The following NALCN variants were observed in gnomAD, a reference collection of about 807,000 sequenced individuals.
The protein encoded by NALCN is sodium leak channel, non-selective, also known as sodium leak channel NALCN.
In NALCN, 111 loss-of-function variants were observed where a neutral mutation model predicts 225.3. The ratio of observed to expected loss-of-function variants is 0.49; its 90% CI spans 0.42 to 0.58. The LOEUF is 0.58. Among genes scored for constraint, NALCN ranks in the 20% least tolerant of loss-of-function variants. The pLI, the probability that NALCN is intolerant of heterozygous loss-of-function variation, is 0.00. For missense variants in NALCN, 1,378 were observed against 2,202.4 expected (o/e 0.63, Z 7.49); for synonymous variants, 764 against 769.0 (o/e 0.99, Z 0.11).
chr13:101,269,095 T>G (rs569461552), intron 10 of NALCN, among the ~76,000 whole-genome samples: 1 of 152,122 alleles, frequency 6.6e-6, no homozygotes. Context: ...TTTTCAACAA[T>G]GAAGTGTTCA....
intron 28 of NALCN, among the ~76,000 whole-genome samples, chr13:101,093,752 A>C (rs1373219408): frequency 6.6e-6 from 1 of 152,152 alleles, no homozygotes; most frequent in Non-Finnish European, 1.5e-5. Flanking sequence ...ATTCTTGGGG[A>C]GGTCCCAGAG....
intron 4 of NALCN, 63 bp downstream of exon 4, chr13:101,378,507 T>C: frequency 7.8e-7 from 1 of 1,285,742 alleles, no homozygotes; most frequent in Non-Finnish European, 1.1e-6. Context: ...ATTTAGACTT[T>C]TAATGCAAAA....
intron 15 of NALCN, among the ~76,000 whole-genome samples, chr13:101,174,249 G>A (rs1378285357): frequency 3.9e-5 from 6 of 152,176 alleles, no homozygotes; most frequent in African/African-American, 4.8e-5. Context: ...GAATTGCTGC[G>A]TTATGATTGG....
chr13:101,283,079 CA>C (rs1191015195), intron 10 of NALCN, among the ~76,000 whole-genome samples: 1 of 152,098 alleles, frequency 6.6e-6, no homozygotes. Context: ...CACTGAAAAC[CA>C]AAAAGGCTAA....
chr13:101,080,801 A>C (rs1019528100), intron 34 of NALCN, among the ~76,000 whole-genome samples: 4 of 150,094 alleles, frequency 2.7e-5, no homozygotes, highest in Non-Finnish European at 5.9e-5. Context: ...TTTAATAGTT[A>C]TATTTTCTAA....
chr13:101,216,754 A>C (rs1314089080), intron 13 of NALCN, among the ~76,000 whole-genome samples: 1 of 152,124 alleles, frequency 6.6e-6, no homozygotes, highest in African/African-American at 2.4e-5. Flanking sequence ...TAACTGCACG[A>C]CTAGTCATTT....
chr13:101,400,662 G>A (rs535595800), intron 1 of NALCN, among the ~76,000 whole-genome samples: 2 of 152,030 alleles, frequency 1.3e-5, no homozygotes, highest in South Asian at 2.1e-4. Context: ...AAGCAGCTCC[G>A]AATCTGATTG....
At chr13:101,257,466 T>G (rs539810257) in intron 11 of NALCN, among the ~76,000 whole-genome samples, 4 of 152,324 alleles carry the variant, frequency 2.6e-5, no homozygotes, top group Non-Finnish European at 5.9e-5. Context: ...TAGACTAAAT[T>G]TTTATTAACC....
intron 10 of NALCN, among the ~76,000 whole-genome samples, chr13:101,263,021 G>T (rs955110469): frequency 1.3e-5 from 2 of 152,172 alleles, no homozygotes; most frequent in African/African-American, 4.8e-5. Context: ...TCGGGAATGA[G>T]AAATTAATTA....
At chr13:101,403,890 G>A (rs1423583702) in intron 1 of NALCN, among the ~76,000 whole-genome samples, 3 of 152,132 alleles carry the variant, frequency 2.0e-5, no homozygotes, top group Non-Finnish European at 2.9e-5. Flanking sequence ...TAACATCTCC[G>A]GGACTCTTCA....
At chr13:101,208,624 G>A (rs2140067199) in intron 13 of NALCN, among the ~76,000 whole-genome samples, 1 of 152,342 alleles carries the variant, frequency 6.6e-6, no homozygotes, top group East Asian at 1.9e-4. Flanking sequence ...CCCCAGTGTT[G>A]GAGGTGGGGC....
Position 101,378,570 on chromosome 13 carries a change from C to A in NALCN, c.375G>T (p.Gln125His). ...TGTAATTTAAAAAATATTTAATTACCTGTAGCACCAAAGAAACCCAAAGGC... is the reference window on the plus strand; with the variant it reads ...TGTAATTTAAAAAATATTTAATTACATGTAGCACCAAAGAAACCCAAAGGC... Reference protein sequence around the residue: ...VFCLWVSLVLQVFEIADIVDQ... With the variant: ...VFCLWVSLVLHVFEIADIVDQ... Residue 125 changes from glutamine (Q) to histidine (H), a missense_variant and splice_region_variant, in exon 4 of 44, where the codon CAG becomes CAT. Transcript: ENST00000251127. The A allele has an allele frequency of 6.2e-7, 1 of 1,602,818 alleles. No homozygotes were observed. The highest frequency in any genetic ancestry group is 1.7e-4 in the Middle Eastern group (1 of 6,010).
intron 13 of NALCN, among the ~76,000 whole-genome samples, chr13:101,202,986 A>G (rs939533992): frequency 2.0e-5 from 3 of 152,216 alleles, no homozygotes; most frequent in African/African-American, 7.2e-5. Flanking sequence ...GACTTACTTA[A>G]CGGCTTTGGG....
chr13:101,125,917 T>C (rs1172042329), intron 17 of NALCN, among the ~76,000 whole-genome samples: 1 of 152,190 alleles, frequency 6.6e-6, no homozygotes, highest in African/African-American at 2.4e-5. Context: ...CTACAGGGCA[T>C]ACTGTGTGTC....
rs185947351 is a variant in NALCN at position 101,237,701 on chromosome 13, T to A, written c.1434+54A>T. 5.6e-4 allele frequency: 698 copies of A among 1,252,018 alleles called. 3 individuals carry two copies. In the African/African-American group the frequency reaches 9.9e-3, roughly 18 times the overall value. 77.6% of individuals were successfully genotyped at this position (1,252,018 alleles called of 1,614,324 possible). ...GGTTGTTAAAATAATGTGACAGGTA[T>A]TTACTCTGGAAATAAATAAATTTCT... is the stretch of plus-strand genomic sequence containing the variant. On this transcript the variant is annotated intron_variant, in intron 12 of 43. Coordinates refer to ENST00000251127, the MANE Select transcript of NALCN (RefSeq NM_052867.4).
At chr13:101,323,892 G>T (rs2044845081) in intron 7 of NALCN, among the ~76,000 whole-genome samples, 1 of 152,110 alleles carries the variant, frequency 6.6e-6, no homozygotes, top group Non-Finnish European at 1.5e-5. Context: ...TTTCAAATGG[G>T]TAACTTTTCT....
At chr13:101,209,928 G>T (rs917888986) in intron 13 of NALCN, among the ~76,000 whole-genome samples, 1 of 152,100 alleles carries the variant, frequency 6.6e-6, no homozygotes, top group Admixed American at 6.6e-5. Context: ...CATTTCTGTT[G>T]GATTGAGGCA....
chr13:101,317,030 T>A (rs2139174163), intron 7 of NALCN, among the ~76,000 whole-genome samples: 1 of 152,296 alleles, frequency 6.6e-6, no homozygotes, highest in East Asian at 1.9e-4. Context: ...TTTATTGAAA[T>A]GCACAGTGTT....
intron 13 of NALCN, among the ~76,000 whole-genome samples, chr13:101,200,043 G>A (rs1021713269): frequency 6.6e-5 from 10 of 151,970 alleles, no homozygotes; most frequent in African/African-American, 2.2e-4. Context: ...CTACCTGCTT[G>A]ATCTCATCCA....
Sources: gnomAD v4.1 joint callset for allele counts (sites outside exome capture counted in the v4.1 genomes callset) on GRCh38, gnomAD v4.1.1 for gene constraint, MANE v1.5 for transcripts, NCBI Gene and HGNC (gene_info 2026-07-23, HGNC 2026-07-21) for gene names.